The following TNFAIP2 variants were observed in gnomAD, a reference collection of about 807,000 sequenced individuals.
TNFAIP2 encodes the protein TNF alpha induced protein 2.
A neutral mutation model predicts 63.5 loss-of-function variants in TNFAIP2; 47 were observed. The observed-to-expected ratio is 0.74, with a 90% CI of 0.59 to 0.94. The LOEUF (loss-of-function observed/expected upper bound fraction) is 0.94, where lower values mean the gene tolerates loss of function less well. Among genes scored for constraint, TNFAIP2 ranks in the 40% least tolerant of loss-of-function variants. The probability of loss-of-function intolerance (pLI) is 0.00; values close to 1 mark genes in which losing one functional copy is unlikely to be tolerated. For synonymous variants in TNFAIP2, 405 were observed against 390.2 expected (o/e 1.04, Z -0.45); for missense variants, 787 against 850.2 (o/e 0.93, Z 0.92).
rs2087967716 is a variant in TNFAIP2, at chr14:103,131,293, C to T, written c.1298+143C>T. ...ACATGTGTGAGGACTCCACGGCCTG[C>T]AGCAGCAGCAGCAAACATTTCCCAA... On this transcript the variant is annotated intron_variant, in intron 7 of 11. Coordinates refer to ENST00000560869, the MANE Select transcript of TNFAIP2 (RefSeq NM_006291.4). This position sits in a 1 kb window ranked among gnomAD's most constrained non-coding sequence, Gnocchi z 4.0. The T allele has an allele frequency of 1.1e-5, 9 of 822,656 alleles. No homozygotes were observed. In the Admixed American group the frequency reaches 1.4e-4, roughly 13 times the overall value. The allele number at this position is 822,656 out of a possible 1,614,324, so 51.0% of individuals were successfully genotyped here.
chr14:103,125,163 C>T (rs1396754056), intron 1 of TNFAIP2, among the ~76,000 whole-genome samples: 1 of 152,226 alleles, frequency 6.6e-6, no homozygotes, highest in Non-Finnish European at 1.5e-5. Context: ...AGGCTGCATG[C>T]ATTTAGTCTT....
chr14:103,133,190 G>A lies in TNFAIP2; in HGVS notation c.1546-172G>A, dbSNP rs113974528. On this transcript the variant is annotated intron_variant, in intron 9 of 11. Transcript: ENST00000560869. Reference sequence around the variant, plus strand: ...AACGCATGCACATGTGAACACACACGCATGTGAACGCATGAGCATGTGAAC... The same window carrying A: ...AACGCATGCACATGTGAACACACACACATGTGAACGCATGAGCATGTGAAC... Among the ~76,000 whole-genome samples, 273 of 151,468 alleles carry A rather than the reference G, an allele frequency of 1.8e-3. 1 individual carries two copies. The highest frequency in any genetic ancestry group is 7.9e-3 in the East Asian group (41 of 5,178).
At chr14:103,132,415 T>A (rs997610348) in intron 8 of TNFAIP2, among the ~76,000 whole-genome samples, 1 of 152,130 alleles carries the variant, frequency 6.6e-6, no homozygotes, top group Non-Finnish European at 1.5e-5. Flanking sequence ...CTGGTACTGA[T>A]CTCCCTGGCC....
At position 103,133,762 on chromosome 14, in the gene TNFAIP2, GAT is replaced by G; in HGVS notation, c.1783_1784del (p.Ile595Ter). Reference protein sequence around the residue: ...IRLQDPSAIKIEVATYATCYP... With the variant: ...IRLQDPSAIKXEVATYATCYP... ...GCCTGCAGGACCCCAGTGCCATCAAGATTGAGGTGGCCACTTATGCCACCTGC... is the reference window on the plus strand; with the variant it reads ...GCCTGCAGGACCCCAGTGCCATCAAGTGAGGTGGCCACTTATGCCACCTGC... On this transcript the variant is annotated frameshift_variant, in exon 11 of 12. Transcript: ENST00000560869. LOFTEE classifies it high-confidence loss of function. The G allele has an allele frequency of 6.3e-7, 1 of 1,596,458 alleles. No individual in the cohort carries two copies. The highest frequency in any genetic ancestry group is 8.5e-7 in the Non-Finnish European group (1 of 1,176,918).
intron 3 of TNFAIP2, among the ~76,000 whole-genome samples, chr14:103,128,596 C>T (rs1273837806): frequency 1.3e-5 from 2 of 151,926 alleles, no homozygotes; most frequent in Admixed American, 1.3e-4. Flanking sequence ...CAGTGTCTGC[C>T]GTCTCGGGGG....
chr14:103,130,983 G>A, intron 6 of TNFAIP2, 69 bp from the exon 7 acceptor site: 1 of 1,518,610 alleles, frequency 6.6e-7, no homozygotes, highest in Non-Finnish European at 9.1e-7. Context: ...GGCAGGGAGG[G>A]CAGGGAGGCT....
chr14:103,130,263 G>T, intron 5 of TNFAIP2, 52 bp from the exon 6 acceptor site: 1 of 1,531,442 alleles, frequency 6.5e-7, no homozygotes, highest in Non-Finnish European at 8.8e-7. Flanking sequence ...CCCGTCCCCT[G>T]CCCCCTTGTC....
chr14:103,131,813 G>T lies in TNFAIP2; in HGVS notation c.1422+51G>T. 1 of 1,578,324 alleles carries T rather than the reference G, an allele frequency of 6.3e-7. No individual in the cohort carries two copies. On this transcript the variant is annotated intron_variant, in intron 8 of 11. Transcript: ENST00000560869. The surrounding 1 kb of genome is among the most constrained non-coding windows in gnomAD (Gnocchi z 4.0). ...AGCCCAGTGTTGGGGGGTTCCCAGG[G>T]AGGGACTGGGAGGTGCCCCCAGGGA...
chr14:103,123,495 C>A lies in TNFAIP2; in HGVS notation c.-605C>A, dbSNP rs1478116405. On this transcript the variant is annotated 5_prime_UTR_variant, in exon 1 of 12. Transcript: ENST00000560869. ...CAGGCCGGGACACGGTAAGTGACCT[C>A]CGCTTCCACACGTCCATTCCCCGCC... 1 of 152,170 alleles carries A rather than the reference C, an allele frequency of 6.6e-6. No homozygotes were observed. The highest frequency in any genetic ancestry group is 1.5e-5 in the Non-Finnish European group (1 of 68,076). The allele number at this position is 152,170 out of a possible 1,614,324, so 9.4% of individuals were successfully genotyped here. A position where few individuals can be genotyped will look rare whatever the true frequency, so the allele number is the denominator to read the frequency against.
rs375161236 is a variant in TNFAIP2, at chr14:103,126,925, G to A, written c.236-80G>A. ...CCGGCCCTGTGCGCGTCTAGGGGAG[G>A]ACGGTCCCGCTTGGCGCTGGCCGCC... On this transcript the variant is annotated intron_variant, in intron 2 of 11. Coordinates refer to ENST00000560869, the MANE Select transcript of TNFAIP2 (RefSeq NM_006291.4). 511 of 1,371,422 alleles carry A rather than the reference G, an allele frequency of 3.7e-4. 2 individuals carry two copies. In the East Asian group the frequency reaches 9.0e-3, roughly 24 times the overall value. 85.0% of individuals were successfully genotyped at this position (1,371,422 alleles called of 1,614,324 possible). A position where few individuals can be genotyped will look rare whatever the true frequency, so the allele number is the denominator to read the frequency against.
At chr14:103,130,835 T>G (rs1258572168) in intron 6 of TNFAIP2, among the ~76,000 whole-genome samples, 1 of 152,162 alleles carries the variant, frequency 6.6e-6, no homozygotes, top group Non-Finnish European at 1.5e-5. Flanking sequence ...AGAGAGGGCC[T>G]GGGAGCAGCA....
At position 103,130,188 on chromosome 14, in the gene TNFAIP2, A is replaced by C. The variant is rs1566963959; in HGVS notation, c.1098+64A>C. 2.5e-6 allele frequency: 4 copies of C among 1,578,876 alleles called. No individual in the cohort carries two copies. In the South Asian group the frequency reaches 3.5e-5, roughly 14 times the overall value. On this transcript the variant is annotated intron_variant, in intron 5 of 11. Transcript: ENST00000560869. The stretch of plus-strand genomic sequence containing the variant: ...CACGTGCATGGGGAGCCCCACGCAC[A>C]TTCCGTCCTGTGTGCATACCCATGC...
rs574108666 is a variant in TNFAIP2 at position 103,129,908 on chromosome 14, G to A, written c.975+54G>A. ...CAGGGAGGCAGCAGAGGAGAGGCTC[G>A]GAGACAGACAGGACATGGGCAGGGA... On this transcript the variant is annotated intron_variant, in intron 4 of 11. Transcript: ENST00000560869. The A allele has an allele frequency of 3.2e-5, 52 of 1,607,104 alleles. No homozygotes were observed. The East Asian group carries it at 6.3e-4, about 19-fold the overall frequency.
intron 3 of TNFAIP2, among the ~76,000 whole-genome samples, chr14:103,129,508 G>C (rs1255563127): frequency 6.7e-6 from 1 of 149,002 alleles, no homozygotes; most frequent in Non-Finnish European, 1.5e-5. Context: ...ACCTAATGGG[G>C]GGGGGGTGGT....
At chr14:103,130,193 G>A (rs899402384) in intron 5 of TNFAIP2, 69 bp downstream of exon 5, 7 of 1,573,912 alleles carry the variant, frequency 4.4e-6, no homozygotes, top group African/African-American at 4.0e-5. Flanking sequence ...CGCACATTCC[G>A]TCCTGTGTGC....
At chr14:103,132,997 T>C (rs368847321) in intron 9 of TNFAIP2, 125 bp downstream of exon 9, 3 of 1,444,416 alleles carry the variant, frequency 2.1e-6, no homozygotes, top group East Asian at 2.4e-5. Context: ...CACACGTGAA[T>C]GCACGAGCAT....
At chr14:103,128,231 G>T (rs2087901369) in intron 3 of TNFAIP2, among the ~76,000 whole-genome samples, 1 of 152,198 alleles carries the variant, frequency 6.6e-6, no homozygotes, top group Non-Finnish European at 1.5e-5. Context: ...GCAGAGCTAT[G>T]CGGGCACCCC....
chr14:103,136,013 C>G lies in TNFAIP2; in HGVS notation c.*653C>G. The G allele has an allele frequency of 7.8e-7, 1 of 1,285,394 alleles. No individual in the cohort carries two copies. Among genetic ancestry groups the G allele is most frequent in the Non-Finnish European group, 1.0e-6 (1 of 987,254 alleles). The allele number at this position is 1,285,394 out of a possible 1,614,324, so 79.6% of individuals were successfully genotyped here. On this transcript the variant is annotated 3_prime_UTR_variant, in exon 12 of 12. Coordinates refer to ENST00000560869, the MANE Select transcript of TNFAIP2 (RefSeq NM_006291.4). ...TGCAATGGGGCCCTGAGCCCTCCCT[C>G]TTCATCCCCCAAGGCCTCAACTAGA...
Position 103,126,487 on chromosome 14 carries a change from G to A in TNFAIP2, c.30G>A (p.Val10=). The change falls in exon 2 of 12, where the codon GTG becomes GTA. Residue 10 remains valine, a synonymous_variant. Coordinates refer to ENST00000560869, the MANE Select transcript of TNFAIP2 (RefSeq NM_006291.4). ...CGGAGGCCTCCTCTGAGGACCTGGT[G>A]CCACCCCTGGAGGCTGGGGCAGCCC... The part of the protein sequence containing the change: MSEASSEDL[V]PPLEAGAAPY... 6.3e-7 allele frequency: 1 copy of A among 1,596,962 alleles called. No homozygotes were observed. Among genetic ancestry groups the A allele is most frequent in the Middle Eastern group, 1.7e-4 (1 of 6,038 alleles).
Sources: gnomAD v4.1 joint callset for allele counts (sites outside exome capture counted in the v4.1 genomes callset) on GRCh38, gnomAD v4.1.1 for gene constraint, Gnocchi (gnomAD v3.1) non-coding constraint, MANE v1.5 for transcripts, NCBI Gene and HGNC (gene_info 2026-07-23, HGNC 2026-07-21) for gene names.